MAGI2: variants seen among roughly 807,000 people sequenced by gnomAD.
MAGI2 encodes membrane associated guanylate kinase, WW and PDZ domain containing 2, also known as membrane-associated guanylate kinase, WW and PDZ domain-containing protein 2.
Under a neutral mutation model 133.3 loss-of-function variants are expected in MAGI2, and 35 were observed. The ratio of observed to expected loss-of-function variants is 0.26; its 90% CI spans 0.20 to 0.35. The LOEUF (loss-of-function observed/expected upper bound fraction) is 0.35, where lower values mean the gene tolerates loss of function less well. MAGI2 is among the 10% of genes least tolerant of loss of function. MAGI2 has a pLI of 1.00. For missense variants in MAGI2, 1,636 were observed against 1,863.4 expected (o/e 0.88, Z 2.25); for synonymous variants, 729 against 710.6 (o/e 1.03, Z -0.41).
At chr7:79,024,797 A>G (rs1471843457) in intron 1 of MAGI2, among the ~76,000 whole-genome samples, 3 of 152,116 alleles carry the variant, frequency 2.0e-5, no homozygotes, top group Non-Finnish European at 4.4e-5. Context: ...TCAAACCACA[A>G]TGAGATACCA....
intron 1 of MAGI2, among the ~76,000 whole-genome samples, chr7:79,284,743 A>C (rs953376620): frequency 1.8e-4 from 28 of 152,242 alleles, no homozygotes; most frequent in African/African-American, 6.7e-4. Flanking sequence ...TTGGAACGTT[A>C]CCAGAATCAT....
chr7:78,625,787 G>T (rs1212610841), intron 3 of MAGI2, among the ~76,000 whole-genome samples: 1 of 152,082 alleles, frequency 6.6e-6, no homozygotes, highest in Non-Finnish European at 1.5e-5. Context: ...GGTGTGTTTA[G>T]ATAAACAAAT....
In MAGI2 at chr7:78,056,588, C is replaced by G. The variant is rs532151573; in HGVS notation, c.3706+22359G>C. On this transcript the variant is annotated intron_variant, in intron 21 of 21. Transcript: ENST00000354212. ...AGGTACAGAAAACCAAACACTGCAT[C>G]TTCTCACTATAAATGGGAGCTGAAT... Among the ~76,000 whole-genome samples, 56 of 152,192 alleles carry G rather than the reference C, an allele frequency of 3.7e-4. No homozygotes were observed. The South Asian group carries it at 6.2e-3, about 17-fold the overall frequency.
At chr7:78,640,933 T>G (rs895487967) in intron 2 of MAGI2, among the ~76,000 whole-genome samples, 1 of 152,200 alleles carries the variant, frequency 6.6e-6, no homozygotes, top group Non-Finnish European at 1.5e-5. Flanking sequence ...AATCCCTGCA[T>G]GTCATGGGAG....
chr7:79,167,397 CAAAA>C (rs10542271), intron 1 of MAGI2, among the ~76,000 whole-genome samples: 2 of 84,734 alleles, frequency 2.4e-5, no homozygotes, highest in Non-Finnish European at 4.9e-5. Context: ...CCAAAAATGG[CAAAA>C]AAAAAAAAAA....
At chr7:78,465,016 A>G (rs1431036051) in intron 6 of MAGI2, among the ~76,000 whole-genome samples, 1 of 152,196 alleles carries the variant, frequency 6.6e-6, no homozygotes, top group Non-Finnish European at 1.5e-5. Context: ...TTATTTCAGA[A>G]TACGAATTGA....
chr7:79,131,982 C>A (rs891435216), intron 1 of MAGI2, among the ~76,000 whole-genome samples: 3 of 151,930 alleles, frequency 2.0e-5, no homozygotes, highest in Admixed American at 1.3e-4. Context: ...ATTCATTTTT[C>A]CTCTAGCTTT....
chr7:79,449,155 A>C (rs993242365), intron 1 of MAGI2, among the ~76,000 whole-genome samples: 4 of 152,098 alleles, frequency 2.6e-5, no homozygotes, highest in African/African-American at 4.8e-5. Flanking sequence ...TCAGATACAA[A>C]GGAGTATAGA....
intron 1 of MAGI2, chr7:79,010,984 A>G (rs534368171): frequency 6.6e-6 from 1 of 152,242 alleles, no homozygotes; most frequent in South Asian, 2.1e-4. Context: ...CATGACCCCA[A>G]TCAAGCTTTT....
At chr7:78,645,039 T>C (rs928719500) in intron 2 of MAGI2, among the ~76,000 whole-genome samples, 2 of 138,184 alleles carry the variant, frequency 1.4e-5, no homozygotes, top group Non-Finnish European at 3.3e-5. Flanking sequence ...TTTTGAAAGA[T>C]ATAACTAAAG....
intron 1 of MAGI2, among the ~76,000 whole-genome samples, chr7:79,039,062 A>G (rs1199429510): frequency 6.6e-6 from 1 of 152,128 alleles, no homozygotes; most frequent in Non-Finnish European, 1.5e-5. Context: ...CTGAATTGTA[A>G]TCCCCATGTG....
intron 2 of MAGI2, among the ~76,000 whole-genome samples, chr7:78,920,394 T>C (rs1799135205): frequency 6.6e-6 from 1 of 152,186 alleles, no homozygotes; most frequent in South Asian, 2.1e-4. Flanking sequence ...CTTTGTATTA[T>C]CACAACATTT....
At chr7:79,221,183 G>C (rs570310789) in intron 1 of MAGI2, among the ~76,000 whole-genome samples, 2 of 152,118 alleles carry the variant, frequency 1.3e-5, no homozygotes, top group East Asian at 3.9e-4. Flanking sequence ...CTTTCATGAA[G>C]CATAGTTTTC....
At chr7:78,183,054 C>T (rs1827332809) in intron 13 of MAGI2, among the ~76,000 whole-genome samples, 1 of 152,164 alleles carries the variant, frequency 6.6e-6, no homozygotes, top group Non-Finnish European at 1.5e-5. Context: ...ATGGAGTTAT[C>T]ACTTAGTTTC....
intron 2 of MAGI2, among the ~76,000 whole-genome samples, chr7:78,938,432 A>G (rs556536546): frequency 6.6e-6 from 1 of 152,256 alleles, no homozygotes; most frequent in South Asian, 2.1e-4. Context: ...TGTCCTATCT[A>G]TGATGCATAT....
chr7:78,486,080 T>C (rs1429561125), intron 6 of MAGI2: 1 of 152,168 alleles, frequency 6.6e-6, no homozygotes, highest in Non-Finnish European at 1.5e-5. Context: ...TAGAACAGTA[T>C]AGACTTGGCC....
At chr7:78,073,214 C>T (rs1814899354) in intron 21 of MAGI2, among the ~76,000 whole-genome samples, 1 of 152,144 alleles carries the variant, frequency 6.6e-6, no homozygotes, top group Non-Finnish European at 1.5e-5. Context: ...ATTTCATTTA[C>T]CAAGTGCTTG....
intron 2 of MAGI2, among the ~76,000 whole-genome samples, chr7:78,782,024 A>G (rs1363688187): frequency 6.6e-6 from 1 of 152,248 alleles, no homozygotes; most frequent in Non-Finnish European, 1.5e-5. Context: ...AATTAAAATC[A>G]GTGTAGTTCA....
rs140209189 is a variant in MAGI2 at position 79,309,622 on chromosome 7, G to C, written c.301+143398C>G. ...TAAAAAATTAGTTTCACTAGACACG[G>C]TATATAATCTGTCTATAAGTATTTA... On this transcript the variant is annotated intron_variant, in intron 1 of 21. Coordinates refer to ENST00000354212, the MANE Select transcript of MAGI2 (RefSeq NM_012301.4). 7.7e-4 allele frequency among the ~76,000 whole-genome samples: 117 copies of C among 151,972 alleles called. 1 individual carries two copies. Among genetic ancestry groups the C allele is most frequent in the Admixed American group, 6.5e-3 (99 of 15,250 alleles).
Sources: allele counts gnomAD v4.1 joint callset (sites outside exome capture counted in the v4.1 genomes callset), GRCh38; gene constraint gnomAD v4.1.1; transcripts MANE v1.5; gene names NCBI Gene and HGNC (gene_info 2026-07-23, HGNC 2026-07-21).